Variants in CPNE4 observed in about 807,000 individuals in gnomAD.
The protein encoded by CPNE4 is copine 4.
CPNE4 carries 25 observed loss-of-function variants against 67.9 expected under a neutral mutation model. The ratio of observed to expected loss-of-function variants is 0.37; its 90% CI spans 0.27 to 0.51. The LOEUF is 0.51. Among genes scored for constraint, CPNE4 ranks in the 20% least tolerant of loss-of-function variants. CPNE4 has a pLI of 0.93. For synonymous variants in CPNE4, 242 were observed against 244.9 expected (o/e 0.99, Z 0.11); for missense variants, 464 against 690.8 (o/e 0.67, Z 3.68).
chr3:131,599,916 C>T (rs1354249), intron 7 of CPNE4, among the ~76,000 whole-genome samples: 20,194 of 152,136 alleles, frequency 0.13, 1,910 homozygotes, highest in African/African-American at 0.26. Flanking sequence ...TAAAGAGTGT[C>T]TTTTCCCCAA....
At chr3:131,800,713 A>G (rs529990981) in intron 2 of CPNE4, among the ~76,000 whole-genome samples, 4 of 152,272 alleles carry the variant, frequency 2.6e-5, no homozygotes, top group African/African-American at 9.6e-5. Context: ...ATGTCATCCT[A>G]AGGGTGTGGC....
chr3:131,893,250 AG>A (rs1380219310), intron 2 of CPNE4, among the ~76,000 whole-genome samples: 4 of 152,066 alleles, frequency 2.6e-5, no homozygotes, highest in Admixed American at 2.6e-4. Context: ...GTTATAATAA[AG>A]GAATCAATTC....
intron 3 of CPNE4, among the ~76,000 whole-genome samples, chr3:131,717,782 T>G (rs2081738009): frequency 6.6e-6 from 1 of 152,164 alleles, no homozygotes; most frequent in South Asian, 2.1e-4. Context: ...GTATCCTAAT[T>G]GGTTTCCCTG....
chr3:131,666,173 A>T (rs1236090174), intron 7 of CPNE4, among the ~76,000 whole-genome samples: 1 of 152,208 alleles, frequency 6.6e-6, no homozygotes, highest in Non-Finnish European at 1.5e-5. Flanking sequence ...TAAAAGGTAG[A>T]AGAGACAGGA....
intron 2 of CPNE4, among the ~76,000 whole-genome samples, chr3:131,826,251 G>A (rs938635972): frequency 1.3e-5 from 2 of 152,020 alleles, no homozygotes; most frequent in African/African-American, 4.8e-5. Flanking sequence ...CTGGAGTGCA[G>A]TAGTGCAGTT....
At chr3:131,960,088 C>A (rs1000251174) in intron 1 of CPNE4, among the ~76,000 whole-genome samples, 1 of 144,320 alleles carries the variant, frequency 6.9e-6, no homozygotes, top group Non-Finnish European at 1.5e-5. Flanking sequence ...GTGAGATAAG[C>A]GAGAGAGGGA....
intron 2 of CPNE4, among the ~76,000 whole-genome samples, chr3:131,767,272 TGTG>T (rs2083044622): frequency 6.6e-6 from 1 of 151,754 alleles, no homozygotes; most frequent in Non-Finnish European, 1.5e-5. Flanking sequence ...TGTGTGTGTG[TGTG>T]TGTGTGTACT....
At chr3:131,578,681 G>C (rs1937615307) in intron 9 of CPNE4, among the ~76,000 whole-genome samples, 1 of 152,098 alleles carries the variant, frequency 6.6e-6, no homozygotes, top group Non-Finnish European at 1.5e-5. Flanking sequence ...AGTGAAATAG[G>C]CTTACTGCTT....
At chr3:131,842,746 A>AAAAAG (rs1553784371) in intron 2 of CPNE4, among the ~76,000 whole-genome samples, 4 of 149,700 alleles carry the variant, frequency 2.7e-5, no homozygotes, top group Non-Finnish European at 4.4e-5. Flanking sequence ...AAAAAAAAAA[A>AAAAAG]AAAGAAAAAG....
Position 131,911,350 on chromosome 3 carries a change from C to T in CPNE4, c.-1-5906G>A, listed in dbSNP as rs183139307. 3.9e-5 allele frequency among the ~76,000 whole-genome samples: 6 copies of T among 152,190 alleles called. No homozygotes were observed. In the East Asian group the frequency reaches 9.7e-4, roughly 25 times the overall value. ...GTTGAACCTCAGATGTGACAGCAGC[C>T]CTGACTGACACCTCGATTGCAGACT... On this transcript the variant is annotated intron_variant, in intron 1 of 15. Coordinates refer to ENST00000429747, the MANE Select transcript of CPNE4 (RefSeq NM_130808.3).
chr3:131,554,644 G>A (rs991984149), intron 12 of CPNE4, among the ~76,000 whole-genome samples: 37 of 152,178 alleles, frequency 2.4e-4, no homozygotes, highest in African/African-American at 8.4e-4. Context: ...TAAGGGGAAA[G>A]CCCTTTATAT....
At chr3:131,884,167 A>C (rs1473504443) in intron 2 of CPNE4, among the ~76,000 whole-genome samples, 3 of 152,210 alleles carry the variant, frequency 2.0e-5, no homozygotes, top group Non-Finnish European at 4.4e-5. Context: ...AGCCCTTAGA[A>C]AAGTGCCTGG....
intron 7 of CPNE4, among the ~76,000 whole-genome samples, chr3:131,655,414 T>A (rs2079929163): frequency 6.6e-6 from 1 of 152,162 alleles, no homozygotes; most frequent in Non-Finnish European, 1.5e-5. Context: ...AAGAGTCAGT[T>A]TGATTATTGG....
chr3:131,571,419 T>A (rs949917247), intron 10 of CPNE4, among the ~76,000 whole-genome samples: 1 of 152,056 alleles, frequency 6.6e-6, no homozygotes. Context: ...ATAAGTACCA[T>A]CTCCACTGGG....
At chr3:131,888,341 T>C (rs923692080) in intron 2 of CPNE4, among the ~76,000 whole-genome samples, 3 of 152,008 alleles carry the variant, frequency 2.0e-5, no homozygotes, top group African/African-American at 7.3e-5. Context: ...GGTAACAAAA[T>C]TTTGTTCCTT....
At chr3:131,943,495 T>C (rs535324410) in intron 1 of CPNE4, among the ~76,000 whole-genome samples, 1 of 152,302 alleles carries the variant, frequency 6.6e-6, no homozygotes, top group South Asian at 2.1e-4. Flanking sequence ...CTAATGTTTA[T>C]ATTACTACTA....
intron 2 of CPNE4, among the ~76,000 whole-genome samples, chr3:131,825,731 A>T (rs2085133073): frequency 6.6e-6 from 1 of 152,190 alleles, no homozygotes; most frequent in South Asian, 2.1e-4. Flanking sequence ...AAGGGCCAGG[A>T]GACAAGATCA....
chr3:131,654,544 C>T (rs2079900034), intron 7 of CPNE4, among the ~76,000 whole-genome samples: 1 of 152,134 alleles, frequency 6.6e-6, no homozygotes. Flanking sequence ...AATTCATTCA[C>T]CTATTGTTAA....
intron 2 of CPNE4, among the ~76,000 whole-genome samples, chr3:131,873,808 C>A (rs141170127): frequency 6.6e-6 from 1 of 152,136 alleles, no homozygotes. Flanking sequence ...GGTAGTACAT[C>A]CTGTGTACCT....
Sources: gnomAD v4.1 joint callset for allele counts (sites outside exome capture counted in the v4.1 genomes callset) on GRCh38, gnomAD v4.1.1 for gene constraint, MANE v1.5 for transcripts, NCBI Gene and HGNC (gene_info 2026-07-23, HGNC 2026-07-21) for gene names.